Variants in TRMT11 observed in about 807,000 individuals in gnomAD.
TRMT11 encodes the protein tRNA methyltransferase 11.
Under a neutral mutation model 62.8 loss-of-function variants are expected in TRMT11, and 53 were observed. That is an observed-to-expected ratio of 0.84 (90% CI 0.68 to 1.06). The LOEUF is 1.06. TRMT11 is among the 50% of genes least tolerant of loss of function. The pLI, the probability that TRMT11 is intolerant of heterozygous loss-of-function variation, is 0.00. For missense variants in TRMT11, 556 were observed against 553.4 expected (o/e 1.00, Z -0.05); for synonymous variants, 188 against 190.3 (o/e 0.99, Z 0.10).
At chr6:126,136,782 A>G (rs1178949384) in intron 21 of TRMT11, among the ~76,000 whole-genome samples, 1 of 151,872 alleles carries the variant, frequency 6.6e-6, no homozygotes, top group Non-Finnish European at 1.5e-5. Flanking sequence ...GCATAAAAAC[A>G]GAGACATAGA....
intron 21 of TRMT11, among the ~76,000 whole-genome samples, chr6:126,160,480 G>T (rs1248068250): frequency 4.6e-5 from 7 of 151,990 alleles, no homozygotes; most frequent in Non-Finnish European, 8.8e-5. Flanking sequence ...CTAGAAGGAA[G>T]GCAGAGATGA....
chr6:126,095,785 A>G (rs1437062380), intron 17 of TRMT11, among the ~76,000 whole-genome samples: 1 of 152,250 alleles, frequency 6.6e-6, no homozygotes, highest in Admixed American at 6.5e-5. Context: ...CAAAGTAATC[A>G]GAACATTTTT....
chr6:126,151,739 C>G (rs952871591), intron 21 of TRMT11, among the ~76,000 whole-genome samples: 4 of 136,840 alleles, frequency 2.9e-5, no homozygotes, highest in Admixed American at 6.9e-5. Flanking sequence ...TCCCTTCCAT[C>G]CTTCCTTCCC....
At chr6:126,174,129 T>C (rs950694930), upstream of TRMT11, among the ~76,000 whole-genome samples, 16 of 152,190 alleles carry the variant, frequency 1.1e-4, no homozygotes, top group African/African-American at 3.6e-4. Flanking sequence ...CTGCAGCCTC[T>C]CACTCCCCAC....
chr6:126,180,665 G>A (rs1778447945), intron 1 of TRMT11, among the ~76,000 whole-genome samples: 1 of 152,180 alleles, frequency 6.6e-6, no homozygotes, highest in South Asian at 2.1e-4. Flanking sequence ...AAATCAATGA[G>A]TTACTATCTA....
At chr6:126,170,598 G>A (rs1562339741) in intron 21 of TRMT11, among the ~76,000 whole-genome samples, 1 of 151,902 alleles carries the variant, frequency 6.6e-6, no homozygotes, top group African/African-American at 2.4e-5. Flanking sequence ...AACAAGGTGT[G>A]GTTCTCAGAT....
chr6:126,149,583 A>C (rs1437392315), intron 21 of TRMT11, among the ~76,000 whole-genome samples: 1 of 152,208 alleles, frequency 6.6e-6, no homozygotes, highest in East Asian at 1.9e-4. Context: ...ACCAAACTCA[A>C]GTTAGGTATA....
intron 17 of TRMT11, among the ~76,000 whole-genome samples, chr6:126,054,502 T>G (rs1238447916): frequency 1.3e-5 from 2 of 152,184 alleles, no homozygotes; most frequent in Non-Finnish European, 2.9e-5. Flanking sequence ...CATGTTGGCC[T>G]CCTGCACCGA....
chr6:126,227,951 GC>G, the TRMT11 span, among the ~76,000 whole-genome samples: 1 of 152,210 alleles, frequency 6.6e-6, no homozygotes, highest in African/African-American at 2.4e-5. Context: ...TGAGAGCAGG[GC>G]AGGGGGCACA....
At chr6:126,085,835 C>G (rs770694362) in intron 17 of TRMT11, among the ~76,000 whole-genome samples, 2 of 152,102 alleles carry the variant, frequency 1.3e-5, no homozygotes, top group Non-Finnish European at 2.9e-5. Flanking sequence ...GTACTTTGGG[C>G]GATGATGTGT....
intron 21 of TRMT11, among the ~76,000 whole-genome samples, chr6:126,117,114 C>T (rs916267660): frequency 6.6e-6 from 1 of 152,068 alleles, no homozygotes; most frequent in African/African-American, 2.4e-5. Context: ...TTGGGGGTTA[C>T]TTTTGTACAT....
chr6:126,054,501 C>T (rs942235112), intron 17 of TRMT11, among the ~76,000 whole-genome samples: 1 of 152,178 alleles, frequency 6.6e-6, no homozygotes, highest in African/African-American at 2.4e-5. Flanking sequence ...ACATGTTGGC[C>T]TCCTGCACCG....
chr6:126,268,491 T>C, the TRMT11 span, among the ~76,000 whole-genome samples: 7 of 152,186 alleles, frequency 4.6e-5, no homozygotes, highest in East Asian at 1.2e-3. Flanking sequence ...AGACAGGTTG[T>C]GTGAGGCGTT....
exon 21 of TRMT11, among the ~76,000 whole-genome samples, chr6:126,115,792 G>A (rs574728403): frequency 6.6e-6 from 1 of 152,148 alleles, no homozygotes; most frequent in South Asian, 2.1e-4. Context: ...AGGGAGGAGA[G>A]TATTGCTTCT....
intron 17 of TRMT11, among the ~76,000 whole-genome samples, chr6:126,074,166 G>A (rs1221313754): frequency 6.6e-6 from 1 of 152,192 alleles, no homozygotes; most frequent in Non-Finnish European, 1.5e-5. Flanking sequence ...AGGAATATCA[G>A]TATTTCTCCT....
At chr6:126,158,564 C>T (rs1198681984) in intron 21 of TRMT11, among the ~76,000 whole-genome samples, 1 of 152,112 alleles carries the variant, frequency 6.6e-6, no homozygotes, top group Non-Finnish European at 1.5e-5. Flanking sequence ...TACTTTCATG[C>T]TCTGGATCCT....
At chr6:126,041,166 A>G (rs1349539580), downstream of TRMT11, among the ~76,000 whole-genome samples, 6 of 152,186 alleles carry the variant, frequency 3.9e-5, no homozygotes, top group African/African-American at 1.2e-4. Context: ...GATGGCAATT[A>G]TAAGTAAAAA....
chr6:126,021,094 G>T, intron 11 of TRMT11, 66 bp from the exon 12 acceptor site: 1 of 1,592,842 alleles, frequency 6.3e-7, no homozygotes, highest in Non-Finnish European at 8.6e-7. Flanking sequence ...TACACTGGAC[G>T]ATCCCCATGA....
intron 16 of TRMT11, among the ~76,000 whole-genome samples, chr6:126,051,273 C>T (rs1054942989): frequency 1.9e-4 from 29 of 152,116 alleles, no homozygotes; most frequent in South Asian, 6.2e-4. Context: ...GGGAAAGATC[C>T]GGGAGGAGGT....
Sources: allele counts gnomAD v4.1 joint callset (sites outside exome capture counted in the v4.1 genomes callset), GRCh38; gene constraint gnomAD v4.1.1; transcripts MANE v1.5; gene names NCBI Gene and HGNC (gene_info 2026-07-23, HGNC 2026-07-21).